SSH2: variants seen among roughly 807,000 people sequenced by gnomAD.
SSH2 encodes protein phosphatase Slingshot homolog 2.
A neutral mutation model predicts 135.2 loss-of-function variants in SSH2; 37 were observed. The ratio of observed to expected loss-of-function variants is 0.27; its 90% CI spans 0.21 to 0.36. SSH2 has a LOEUF of 0.36. SSH2 is among the 10% of genes least tolerant of loss of function. The pLI is 1.00. For missense variants in SSH2, 1,408 were observed against 1,765.3 expected, an observed-to-expected ratio of 0.80 and a Z score of 3.63; for synonymous variants, 628 against 646.2, an observed-to-expected ratio of 0.97 and a Z score of 0.43.
At chr17:29,882,094 T>C (rs1038478112) in intron 1 of SSH2, among the ~76,000 whole-genome samples, 2 of 152,232 alleles carry the variant, frequency 1.3e-5, no homozygotes, top group African/African-American at 2.4e-5. Flanking sequence ...TATTATACAA[T>C]GCCAGTCTTC....
intron 3 of SSH2, among the ~76,000 whole-genome samples, chr17:29,769,324 A>T (rs139860523): frequency 1.3e-5 from 2 of 152,276 alleles, no homozygotes; most frequent in Non-Finnish European, 2.9e-5. Flanking sequence ...ACTCTTGGGG[A>T]CCTTAAATAC....
chr17:29,694,701 G>A (rs1268918997), intron 5 of SSH2, among the ~76,000 whole-genome samples: 3 of 152,068 alleles, frequency 2.0e-5, no homozygotes, highest in East Asian at 1.9e-4. Context: ...AAGAACCCAT[G>A]CTAGATCTCA....
At chr17:29,704,890 T>C (rs890330322) in intron 3 of SSH2, among the ~76,000 whole-genome samples, 2 of 152,160 alleles carry the variant, frequency 1.3e-5, no homozygotes, top group African/African-American at 4.8e-5. Flanking sequence ...AAATACCTAA[T>C]AGAGGATTCT....
At chr17:29,906,557 A>G (rs779098894) in intron 1 of SSH2, among the ~76,000 whole-genome samples, 33 of 152,252 alleles carry the variant, frequency 2.2e-4, no homozygotes, top group Non-Finnish European at 4.0e-4. Context: ...AAAATAAACT[A>G]TAATCAGAGC....
Position 29,627,870 on chromosome 17 carries a change from T to G in SSH2, c.*2971A>C, listed in dbSNP as rs1787896826. On this transcript the variant is annotated 3_prime_UTR_variant, in exon 16 of 16. Coordinates refer to ENST00000540801, the MANE Select transcript of SSH2 (RefSeq NM_001282129.2). The stretch of plus-strand genomic sequence containing the variant: ...TCAACTGTTTTTATATATGTACATA[T>G]GTGTACACATGCACATACACTCCTC... 1 of 152,176 alleles carries G rather than the reference T, an allele frequency of 6.6e-6. No individual in the cohort carries two copies. The highest frequency in any genetic ancestry group is 2.4e-5 in the African/African-American group (1 of 41,420). 9.4% of individuals were successfully genotyped at this position (152,176 alleles called of 1,614,324 possible).
intron 3 of SSH2, among the ~76,000 whole-genome samples, chr17:29,742,254 T>A (rs2040583617): frequency 6.6e-6 from 1 of 150,958 alleles, no homozygotes; most frequent in Non-Finnish European, 1.5e-5. Context: ...TAAGACTAGT[T>A]CGGTTAAAAA....
chr17:29,744,541 G>C (rs2040689294), intron 3 of SSH2, among the ~76,000 whole-genome samples: 2 of 152,152 alleles, frequency 1.3e-5, no homozygotes, highest in Non-Finnish European at 2.9e-5. Context: ...TTGTATGGAA[G>C]ATTCTCATAT....
At chr17:29,666,745 C>T (rs1053437274) in intron 11 of SSH2, 122 bp downstream of exon 11, 9 of 902,778 alleles carry the variant, frequency 1.0e-5, no homozygotes, top group Non-Finnish European at 1.5e-5. Flanking sequence ...GAGTACTTAT[C>T]ACTTTTGTCT....
intron 1 of SSH2, among the ~76,000 whole-genome samples, chr17:29,916,866 A>T (rs2066890715): frequency 6.6e-6 from 1 of 152,300 alleles, no homozygotes; most frequent in East Asian, 1.9e-4. Flanking sequence ...TATTGTAATT[A>T]TGAAGAAAAG....
At chr17:29,840,789 T>A (rs2043026928) in intron 2 of SSH2, among the ~76,000 whole-genome samples, 1 of 152,156 alleles carries the variant, frequency 6.6e-6, no homozygotes, top group Non-Finnish European at 1.5e-5. Flanking sequence ...CTAAGCACTT[T>A]ACATAAGTTA....
intron 6 of SSH2, among the ~76,000 whole-genome samples, chr17:29,681,331 CAA>C (rs764461213): frequency 1.5e-3 from 21 of 14,354 alleles, no homozygotes; most frequent in African/African-American, 5.6e-3. Flanking sequence ...GAGACTGTCT[CAA>C]AAAAAAAAAA....
chr17:29,670,803 T>TA (rs530916914), intron 9 of SSH2, among the ~76,000 whole-genome samples: 9 of 151,758 alleles, frequency 5.9e-5, no homozygotes, highest in South Asian at 2.1e-4. Flanking sequence ...ATTACTCTGT[T>TA]AAAAAAAACC....
chr17:29,802,618 C>CAAAAAAAAAAAAAAAA (rs74267073), intron 2 of SSH2, among the ~76,000 whole-genome samples: 70 of 57,046 alleles, frequency 1.2e-3, no homozygotes, highest in Non-Finnish European at 1.5e-3. Context: ...ACTGTTTCTA[C>CAAAAAAAAAAAAAAAA]AAAAAAAAAA....
chr17:29,925,395 C>G (rs2067046384), intron 1 of SSH2: 4 of 395,972 alleles, frequency 1.0e-5, no homozygotes. Context: ...AATATGGTTT[C>G]TACAGTCAAT....
At chr17:29,798,501 G>C (rs1257995370) in intron 2 of SSH2, among the ~76,000 whole-genome samples, 1 of 152,030 alleles carries the variant, frequency 6.6e-6, no homozygotes, top group Admixed American at 6.6e-5. Context: ...GATATCAATA[G>C]GCCATATTTT....
At chr17:29,766,233 A>G (rs1161734951) in intron 3 of SSH2, among the ~76,000 whole-genome samples, 1 of 151,238 alleles carries the variant, frequency 6.6e-6, no homozygotes, top group African/African-American at 2.4e-5. Flanking sequence ...AGTGGCTCAC[A>G]CCTGTAATCC....
chr17:29,630,896 A>T lies in SSH2; in HGVS notation c.4298T>A (p.Leu1433Gln). ...QHGRTHPLRRLKKANDKKRTT... is the reference protein window; with the variant it reads ...QHGRTHPLRRQKKANDKKRTT... Reference sequence around the variant, plus strand: ...CCGTTTTTTGTCATTTGCCTTTTTCAGTCTCCTAAGGGGGTGAGTTCTGCC... The same window carrying T: ...CCGTTTTTTGTCATTTGCCTTTTTCTGTCTCCTAAGGGGGTGAGTTCTGCC... The change falls in exon 16 of 16, where the codon CTG (leucine) becomes CAG (glutamine). Residue 1433 changes from leucine (L) to glutamine (Q), a missense_variant. By Grantham distance (113) the Leu-to-Gln change is moderately radical (BLOSUM62 -2). Around this residue, in one of 3 missense-constraint regions of SSH2, gnomAD observed 1,080 missense variants for 1,144.5 expected, o/e 0.94. Transcript: ENST00000540801. 1 of 1,579,742 alleles carries T rather than the reference A, an allele frequency of 6.3e-7. No individual in the cohort carries two copies. Among genetic ancestry groups the T allele is most frequent in the Non-Finnish European group, 8.6e-7 (1 of 1,157,960 alleles).
chr17:29,701,073 C>T (rs574390782), intron 4 of SSH2, among the ~76,000 whole-genome samples: 14 of 151,944 alleles, frequency 9.2e-5, no homozygotes, highest in African/African-American at 3.4e-4. Flanking sequence ...CGGGTTCACA[C>T]CATTCTCCTG....
intron 3 of SSH2, among the ~76,000 whole-genome samples, chr17:29,785,491 A>ATTTTTTTTTTT (rs34346245): frequency 2.5e-5 from 2 of 78,494 alleles, no homozygotes; most frequent in African/African-American, 1.1e-4. Flanking sequence ...TTGGCGTTTC[A>ATTTTTTTTTTT]TTTTTTTTTT....
Sources: gnomAD v4.1 joint callset for allele counts (sites outside exome capture counted in the v4.1 genomes callset) on GRCh38, gnomAD v4.1.1 for gene constraint, gnomAD v4.1.1 regional missense constraint, MANE v1.5 for transcripts, NCBI Gene and HGNC (gene_info 2026-07-23, HGNC 2026-07-21) for gene names.